Variants in UFL1 observed in about 807,000 individuals in gnomAD.
The protein encoded by UFL1 is E3 UFM1-protein ligase 1.
Under a neutral mutation model 99.3 loss-of-function variants are expected in UFL1, and 78 were observed. The ratio of observed to expected loss-of-function variants is 0.79; its 90% CI spans 0.65 to 0.95. The LOEUF is 0.95. Ranked by LOEUF, UFL1 falls within the 40% of genes least tolerant of loss-of-function variation. UFL1 has a pLI of 0.00. For synonymous variants in UFL1, 335 were observed against 322.2 expected, an observed-to-expected ratio of 1.04 and a Z score of -0.42; for missense variants, 936 against 937.0, an observed-to-expected ratio of 1.00 and a Z score of 0.01.
chr6:96,536,236 GT>G lies in UFL1; in HGVS notation c.656-4del. On this transcript the variant is annotated splice_region_variant and splice_polypyrimidine_tract_variant and intron_variant, in intron 7 of 18. Coordinates refer to ENST00000369278, the MANE Select transcript of UFL1 (RefSeq NM_015323.5). ...GATTTATTTGTATTCATGTGGGTTT[GT>G]TTTAAGCTGTGCTTGAGGAACTTGT... is the stretch of plus-strand genomic sequence containing the variant. 6.2e-7 allele frequency: 1 copy of G among 1,606,620 alleles called. No individual in the cohort carries two copies. The highest frequency in any genetic ancestry group is 8.5e-7 in the Non-Finnish European group (1 of 1,174,946).
chr6:96,536,302 A>G lies in UFL1; in HGVS notation c.714A>G (p.Arg238=). 6.2e-7 allele frequency: 1 copy of G among 1,611,208 alleles called. No individual in the cohort carries two copies. Among genetic ancestry groups the G allele is most frequent in the Non-Finnish European group, 8.5e-7 (1 of 1,178,030 alleles). Residue 238 remains arginine, a synonymous_variant, in exon 8 of 19, where the codon AGA becomes AGG. Coordinates refer to ENST00000369278, the MANE Select transcript of UFL1 (RefSeq NM_015323.5). ...TACGAGGCACTGTGGTTGGTGGGAG[A>G]CAGGATAAAGCTGTGTTTGTCCCTG... ...GRLRGTVVGG[R]QDKAVFVPDI...
chr6:96,538,699 CA>C lies in UFL1; in HGVS notation c.1048del (p.Ser350AlafsTer7), dbSNP rs751719673. On this transcript the variant is annotated frameshift_variant, in exon 10 of 19. Transcript: ENST00000369278. LOFTEE classifies it high-confidence loss of function. Reference sequence around the variant, plus strand: ...TGCTTCAGCAGGTGATGAGGGCATTCAGCAAACAGGCCTCAACTGTAGTCTT... The same window carrying C: ...TGCTTCAGCAGGTGATGAGGGCATTCGCAAACAGGCCTCAACTGTAGTCTT... Reference protein sequence around the residue: ...ILLQQVMRAFSKQASTVVFSD... With the variant: ...ILLQQVMRAFXKQASTVVFSD... 6.8e-6 allele frequency: 11 copies of C among 1,611,516 alleles called. No homozygotes were observed. In the African/African-American group the frequency reaches 1.2e-4, roughly 18 times the overall value.
intron 12 of UFL1, among the ~76,000 whole-genome samples, chr6:96,546,794 G>A (rs978395736): frequency 2.6e-5 from 4 of 151,170 alleles, no homozygotes; most frequent in African/African-American, 7.3e-5. Context: ...AAATGGTTCT[G>A]GGAAGAACGA....
At chr6:96,522,063 C>T (rs1230713384) in intron 1 of UFL1, 113 bp downstream of exon 1, 5 of 1,191,868 alleles carry the variant, frequency 4.2e-6, no homozygotes, top group Admixed American at 4.3e-5. Flanking sequence ...CGCTGCTTGT[C>T]ACCATTCTCT....
intron 5 of UFL1, among the ~76,000 whole-genome samples, chr6:96,526,829 A>G (rs560560756): frequency 3.0e-4 from 45 of 152,194 alleles, no homozygotes; most frequent in Non-Finnish European, 5.1e-4. Flanking sequence ...GAAATAATTG[A>G]TGAAGATAAT....
intron 5 of UFL1, among the ~76,000 whole-genome samples, 193 bp downstream of exon 5, chr6:96,526,628 T>A (rs1769707834): frequency 6.6e-6 from 1 of 152,176 alleles, no homozygotes; most frequent in Non-Finnish European, 1.5e-5. Context: ...GAGGAGGCAG[T>A]TTAAAAATGA....
Position 96,548,194 on chromosome 6 carries a change from T to C in UFL1, c.1433T>C (p.Phe478Ser). The change falls in exon 13 of 19, where the codon TTC (phenylalanine) becomes TCC (serine). Residue 478 changes from phenylalanine to serine, a missense_variant. Phe to Ser is a radical substitution (Grantham distance 155). Transcript: ENST00000369278. ...GKKKPEISFM[F>S]QDEIEDFLRK... Reference sequence around the variant, plus strand: ...AAGAAGCCAGAGATCAGTTTTATGTTCCAGGATGAGATTGAAGATTTTTTA... The same window carrying C: ...AAGAAGCCAGAGATCAGTTTTATGTCCCAGGATGAGATTGAAGATTTTTTA... 1.9e-6 allele frequency: 3 copies of C among 1,604,104 alleles called. No homozygotes were observed. Among genetic ancestry groups the C allele is most frequent in the Non-Finnish European group, 2.6e-6 (3 of 1,174,766 alleles).
At chr6:96,527,614 T>C (rs1769722057) in intron 5 of UFL1, among the ~76,000 whole-genome samples, 1 of 152,178 alleles carries the variant, frequency 6.6e-6, no homozygotes. Context: ...GCTGAAATTA[T>C]ATTTTACATG....
chr6:96,548,017 T>G, intron 12 of UFL1, 147 bp from the exon 13 acceptor site: 2 of 587,934 alleles, frequency 3.4e-6, no homozygotes, highest in Admixed American at 3.5e-5. Context: ...TTCAAAATTG[T>G]TTTTACTAGT....
chr6:96,540,258 G>T (rs1344355741), intron 10 of UFL1, among the ~76,000 whole-genome samples: 1 of 151,422 alleles, frequency 6.6e-6, no homozygotes, highest in East Asian at 1.9e-4. Context: ...AGCTGGAGAG[G>T]ATTGCATCTG....
chr6:96,542,964 G>T lies in UFL1; in HGVS notation c.1350G>T (p.Lys450Asn). ...AGTACAAAATTAAAAAAGTCAAGAA[G>T]AAAGGAAGAAAAGATGATGATAGTG... ...AREYKIKKVK[K>N]KGRKDDDSDD... The change falls in exon 12 of 19, where the codon AAG becomes AAT. Residue 450 changes from lysine to asparagine, a missense_variant. By Grantham distance (94) the Lys-to-Asn change is moderately conservative (BLOSUM62 0). Coordinates refer to ENST00000369278, the MANE Select transcript of UFL1 (RefSeq NM_015323.5). The T allele has an allele frequency of 6.2e-7, 1 of 1,600,676 alleles. No homozygotes were observed. The highest frequency in any genetic ancestry group is 1.7e-4 in the Middle Eastern group (1 of 6,008).
intron 4 of UFL1, among the ~76,000 whole-genome samples, chr6:96,525,830 A>G: frequency 6.6e-6 from 1 of 152,126 alleles, no homozygotes. Flanking sequence ...TGTTCCAAAA[A>G]TGTTAATGAA....
At chr6:96,523,105 C>G in intron 1 of UFL1, 41 bp from the exon 2 acceptor site, 1 of 1,563,886 alleles carries the variant, frequency 6.4e-7, no homozygotes, top group South Asian at 1.2e-5. Context: ...GCGCCAATGT[C>G]TCAAGTGGAC....
Position 96,521,828 on chromosome 6 carries a change from C to T in UFL1, c.-46C>T. 2 of 1,583,128 alleles carry T rather than the reference C, an allele frequency of 1.3e-6. No homozygotes were observed. Among genetic ancestry groups the T allele is most frequent in the African/African-American group, 1.3e-5 (1 of 74,424 alleles). On this transcript the variant is annotated 5_prime_UTR_variant, in exon 1 of 19. Transcript: ENST00000369278. ...CCTCTCTTCTCCCACCGCCTGTCGGCTGACGTGTCTGCAGTTCCTCCGCGT... is the reference window on the plus strand; with the variant it reads ...CCTCTCTTCTCCCACCGCCTGTCGGTTGACGTGTCTGCAGTTCCTCCGCGT...
At chr6:96,549,077 A>G (rs1310905107) in intron 13 of UFL1, among the ~76,000 whole-genome samples, 1 of 151,730 alleles carries the variant, frequency 6.6e-6, no homozygotes, top group Non-Finnish European at 1.5e-5. Flanking sequence ...GAGAATTTTA[A>G]GTTGTAATTC....
intron 12 of UFL1, among the ~76,000 whole-genome samples, chr6:96,544,630 G>A (rs548180160): frequency 1.5e-4 from 22 of 150,980 alleles, no homozygotes; most frequent in African/African-American, 3.4e-4. Context: ...GTAAAACAAC[G>A]TTAATTAAAG....
At chr6:96,524,531 A>G in intron 3 of UFL1, 121 bp downstream of exon 3, 1 of 660,334 alleles carries the variant, frequency 1.5e-6, no homozygotes, top group Non-Finnish European at 2.4e-6. Flanking sequence ...AGAAATAGTT[A>G]TATAAGCCTC....
rs1313500010 is a variant in UFL1, at chr6:96,554,109, G to T, written c.*606G>T. ...CATTGATTTTGGTTGGGGCTGCAAG[G>T]ATGCCTTTACAGGTGCACAAGAACG... On this transcript the variant is annotated 3_prime_UTR_variant, in exon 19 of 19. Transcript: ENST00000369278. 2 of 152,318 alleles carry T rather than the reference G, an allele frequency of 1.3e-5. No homozygotes were observed. Among genetic ancestry groups the T allele is most frequent in the African/African-American group, 4.8e-5 (2 of 41,434 alleles). 9.4% of individuals were successfully genotyped at this position (152,318 alleles called of 1,614,324 possible).
Position 96,523,302 on chromosome 6 carries a change from C to T in UFL1, c.223+11C>T, listed in dbSNP as rs1582435528. ...TACATGTCCGAGGTGGTAGGTAATT[C>T]TTTAGTGTTTTTTTTTTTCTTGGAT... On this transcript the variant is annotated intron_variant, in intron 2 of 18. Transcript: ENST00000369278. 2 of 1,563,402 alleles carry T rather than the reference C, an allele frequency of 1.3e-6. No individual in the cohort carries two copies. Among genetic ancestry groups the T allele is most frequent in the Non-Finnish European group, 1.7e-6 (2 of 1,161,052 alleles).
Sources: gnomAD v4.1 joint callset for allele counts (sites outside exome capture counted in the v4.1 genomes callset) on GRCh38, gnomAD v4.1.1 for gene constraint, MANE v1.5 for transcripts, NCBI Gene and HGNC (gene_info 2026-07-23, HGNC 2026-07-21) for gene names.